The following CFAP20DC variants were observed in gnomAD, a reference collection of about 807,000 sequenced individuals.
CFAP20DC encodes protein CFAP20DC.
CFAP20DC carries 84 observed loss-of-function variants against 101.7 expected under a neutral mutation model. The observed-to-expected ratio is 0.83, with a 90% confidence interval of 0.69 to 0.99. The LOEUF (loss-of-function observed/expected upper bound fraction) is 0.99. Among genes scored for constraint, CFAP20DC ranks in the 50% least tolerant of loss-of-function variants. The pLI is 0.00. For missense variants in CFAP20DC, 1,007 were observed against 970.3 expected, an observed-to-expected ratio of 1.04 and a Z score of -0.50; for synonymous variants, 359 against 351.2, an observed-to-expected ratio of 1.02 and a Z score of -0.25.
chr3:58,880,820 G>C lies in CFAP20DC; in HGVS notation c.715+3725C>G, dbSNP rs188830075. Among the ~76,000 whole-genome samples the C allele has an allele frequency of 1.3e-3, 192 of 152,152 alleles. 2 individuals are homozygous for C. Among genetic ancestry groups the C allele is most frequent in the Middle Eastern group, 6.8e-3 (2 of 294 alleles). On this transcript the variant is annotated intron_variant, in intron 7 of 16. Coordinates refer to ENST00000482387, the MANE Select transcript of CFAP20DC (RefSeq NM_001394063.1). Reference sequence around the variant, plus strand: ...ACTTTTATTGAAGATAGGGAAAAAGGATATATGATTCAAACGTAAGAGATG... The same window carrying C: ...ACTTTTATTGAAGATAGGGAAAAAGCATATATGATTCAAACGTAAGAGATG...
intron 15 of CFAP20DC, among the ~76,000 whole-genome samples, chr3:58,782,913 A>G (rs557917015): frequency 2.7e-4 from 41 of 152,172 alleles, no homozygotes; most frequent in Admixed American, 8.5e-4. Flanking sequence ...AAAAAATCCT[A>G]AAGTTTGTAT....
chr3:58,939,054 G>C (rs6803768), intron 4 of CFAP20DC, among the ~76,000 whole-genome samples: 4,208 of 152,226 alleles, frequency 0.028, 98 homozygotes, highest in East Asian at 0.12. Flanking sequence ...ATGAACACAT[G>C]GGGAGGGGGA....
chr3:58,942,423 G>A (rs2088738071), intron 4 of CFAP20DC, among the ~76,000 whole-genome samples: 1 of 152,178 alleles, frequency 6.6e-6, no homozygotes, highest in African/African-American at 2.4e-5. Context: ...TCCATGGAGG[G>A]CAAGCCAAAG....
rs1372521490 is a variant in CFAP20DC at position 58,964,904 on chromosome 3, C to T, written c.279-27142G>A. 1.3e-5 allele frequency among the ~76,000 whole-genome samples: 2 copies of T among 152,174 alleles called. No homozygotes were observed. Among genetic ancestry groups the T allele is most frequent in the East Asian group, 3.8e-4 (2 of 5,196 alleles). Reference sequence around the variant, plus strand: ...GGACAGTCTAACACAATAGTGGACACTTGAAACCACTACTGAAATATTTTC... The same window carrying T: ...GGACAGTCTAACACAATAGTGGACATTTGAAACCACTACTGAAATATTTTC... On this transcript the variant is annotated intron_variant, in intron 4 of 16. Transcript: ENST00000482387. The surrounding 1 kb of genome is among the most constrained non-coding windows in gnomAD (Gnocchi z 4.1).
chr3:58,918,200 C>T (rs1165681858), intron 5 of CFAP20DC, among the ~76,000 whole-genome samples: 1 of 152,118 alleles, frequency 6.6e-6, no homozygotes, highest in Non-Finnish European at 1.5e-5. Context: ...TTATGGGGTC[C>T]ATTTGTGCTT....
At chr3:58,777,538 T>G (rs1236867195) in intron 15 of CFAP20DC, among the ~76,000 whole-genome samples, 1 of 152,202 alleles carries the variant, frequency 6.6e-6, no homozygotes, top group Non-Finnish European at 1.5e-5. Context: ...AATCAAAGTA[T>G]GCACAAATGA....
intron 14 of CFAP20DC, among the ~76,000 whole-genome samples, chr3:58,821,634 G>A (rs1294926226): frequency 3.3e-5 from 5 of 150,196 alleles, no homozygotes; most frequent in Non-Finnish European, 7.5e-5. Context: ...TCATTAAAAA[G>A]TCAGGAAACA....
At chr3:58,726,334 A>G (rs2067551152) in intron 3 of CFAP20DC, 1 of 152,352 alleles carries the variant, frequency 6.6e-6, no homozygotes, top group African/African-American at 2.4e-5. Flanking sequence ...AGCTGAATAC[A>G]ATGAAAGTTT....
In CFAP20DC at chr3:58,806,383, A is replaced by T; in HGVS notation, c.2237+12T>A. 1 of 1,541,354 alleles carries T rather than the reference A, an allele frequency of 6.5e-7. No individual in the cohort carries two copies. Among genetic ancestry groups the T allele is most frequent in the East Asian group, 2.2e-5 (1 of 44,516 alleles). ...TTTTTTTTCTTAAATGTAGATTATT[A>T]ATGATTCTTACCGGGGATTAGAAGG... On this transcript the variant is annotated intron_variant, in intron 15 of 16. Coordinates refer to ENST00000482387, the MANE Select transcript of CFAP20DC (RefSeq NM_001394063.1).
chr3:58,875,771 A>T, intron 7 of CFAP20DC, among the ~76,000 whole-genome samples: 1 of 148,994 alleles, frequency 6.7e-6, no homozygotes, highest in East Asian at 1.9e-4. Context: ...ATTAAAAATT[A>T]AAAAGAACTT....
intron 7 of CFAP20DC, 143 bp downstream of exon 7, chr3:58,884,402 C>T (rs1576124475): frequency 1.5e-6 from 1 of 665,284 alleles, no homozygotes; most frequent in Non-Finnish European, 2.5e-6. Context: ...TTTGTAGCCC[C>T]TGGCGTGGTA....
Position 58,721,529 on chromosome 3 carries a change from A to T in CFAP20DC, c.198-3901T>A, listed in dbSNP as rs78134277. On this transcript the variant is annotated intron_variant, in intron 3 of 3. Coordinates refer to the CFAP20DC transcript ENST00000486145. This position sits in a 1 kb window ranked among gnomAD's most constrained non-coding sequence, Gnocchi z 5.2. ...CTGAAGGATACGGGGGCATTAATAC[A>T]TGCAACAGGGAAGGAAGGGAGCAAG... 1.6e-4 allele frequency among the ~76,000 whole-genome samples: 25 copies of T among 152,290 alleles called. No homozygotes were observed. In the East Asian group the frequency reaches 3.3e-3, roughly 20 times the overall value.
Position 58,803,119 on chromosome 3 carries a change from G to C in CFAP20DC, c.2237+3276C>G, listed in dbSNP as rs151300910. 9.5e-4 allele frequency among the ~76,000 whole-genome samples: 144 copies of C among 152,148 alleles called. No individual in the cohort carries two copies. The Middle Eastern group carries it at 0.01, about 11-fold the overall frequency. The stretch of plus-strand genomic sequence containing the variant: ...GTAATTTAAAAACCTTAGGATCTTC[G>C]GTCTCTGGAATAGTTGCAGATGTCT... On this transcript the variant is annotated intron_variant, in intron 15 of 16. Transcript: ENST00000482387.
intron 3 of CFAP20DC, among the ~76,000 whole-genome samples, chr3:58,733,257 A>G (rs1333999199): frequency 1.3e-5 from 2 of 152,150 alleles, no homozygotes; most frequent in Non-Finnish European, 2.9e-5. Flanking sequence ...ACTTGAACGC[A>G]GGAGGCAGAG....
At chr3:58,997,731 G>GA (rs2093179813) in intron 4 of CFAP20DC, among the ~76,000 whole-genome samples, 1 of 152,182 alleles carries the variant, frequency 6.6e-6, no homozygotes, top group Non-Finnish European at 1.5e-5. Context: ...TCTAAGCCTT[G>GA]AAAGTAAACA....
intron 4 of CFAP20DC, among the ~76,000 whole-genome samples, chr3:58,982,598 T>C (rs1276819441): frequency 2.0e-5 from 3 of 150,154 alleles, no homozygotes; most frequent in Admixed American, 6.7e-5. Context: ...AAGCAAACTA[T>C]CACAAGGACA....
In CFAP20DC at chr3:58,958,787, A is replaced by C. The variant is rs764408524; in HGVS notation, c.279-21025T>G. Among the ~76,000 whole-genome samples, 73 of 152,210 alleles carry C rather than the reference A, an allele frequency of 4.8e-4. No homozygotes were observed. In the Middle Eastern group the frequency reaches 0.01, roughly 22 times the overall value. Reference sequence around the variant, plus strand: ...AAATGCCTATTCAAACCTTTTACCAAATTTTAAACTGGATGATATATTTTC... The same window carrying C: ...AAATGCCTATTCAAACCTTTTACCACATTTTAAACTGGATGATATATTTTC... On this transcript the variant is annotated intron_variant, in intron 4 of 16. Transcript: ENST00000482387.
At chr3:58,926,776 C>A (rs2086032591) in intron 5 of CFAP20DC, among the ~76,000 whole-genome samples, 1 of 152,122 alleles carries the variant, frequency 6.6e-6, no homozygotes, top group Non-Finnish European at 1.5e-5. Flanking sequence ...TAATTTTATC[C>A]ATTTAAATGA....
At chr3:58,825,448 C>A (rs1163555492) in intron 14 of CFAP20DC, among the ~76,000 whole-genome samples, 1 of 151,992 alleles carries the variant, frequency 6.6e-6, no homozygotes, top group Non-Finnish European at 1.5e-5. Flanking sequence ...GGAATTTGAG[C>A]CCAGGTTGAC....
Sources: allele counts gnomAD v4.1 joint callset (sites outside exome capture counted in the v4.1 genomes callset), GRCh38; gene constraint gnomAD v4.1.1; non-coding constraint Gnocchi (gnomAD v3.1); transcripts MANE v1.5; gene names NCBI Gene and HGNC (gene_info 2026-07-23, HGNC 2026-07-21).